PDE6A: variants seen among roughly 807,000 people sequenced by gnomAD.
PDE6A encodes the protein phosphodiesterase 6A.
A neutral mutation model predicts 106.3 loss-of-function variants in PDE6A; 84 were observed. The observed-to-expected ratio is 0.79, with a 90% confidence interval of 0.66 to 0.95. PDE6A has a LOEUF of 0.95. Among genes scored for constraint, PDE6A ranks in the 40% least tolerant of loss-of-function variants. The pLI is 0.00. For synonymous variants in PDE6A, 394 were observed against 386.6 expected (o/e 1.02, Z -0.23); for missense variants, 1,052 against 1,084.9 (o/e 0.97, Z 0.43).
At chr5:149,878,119 C>T (rs1760804819) in intron 17 of PDE6A, among the ~76,000 whole-genome samples, 1 of 152,184 alleles carries the variant, frequency 6.6e-6, no homozygotes, top group Non-Finnish European at 1.5e-5. Flanking sequence ...GCTGTGCCTA[C>T]TGGGCTGCTT....
At chr5:149,911,008 C>A (rs1581193482) in intron 6 of PDE6A, among the ~76,000 whole-genome samples, 1 of 150,214 alleles carries the variant, frequency 6.7e-6, no homozygotes, top group Non-Finnish European at 1.5e-5. Context: ...GCCTCCTGAG[C>A]AGCTGGGACC....
chr5:149,929,777 G>C (rs992829594), intron 4 of PDE6A, among the ~76,000 whole-genome samples: 1 of 152,100 alleles, frequency 6.6e-6, no homozygotes, highest in Non-Finnish European at 1.5e-5. Flanking sequence ...TACTGAAAAA[G>C]GTATGAAGGA....
intron 6 of PDE6A, among the ~76,000 whole-genome samples, chr5:149,909,344 A>G (rs1398263743): frequency 6.6e-6 from 1 of 152,174 alleles, no homozygotes; most frequent in African/African-American, 2.4e-5. Flanking sequence ...TTTTTTATAG[A>G]GACAGGGCAA....
rs1454204401 is a variant in PDE6A at position 149,866,157 on chromosome 5, G to A, written c.2358+13C>T. 7 of 1,601,224 alleles carry A rather than the reference G, an allele frequency of 4.4e-6. No homozygotes were observed. The highest frequency in any genetic ancestry group is 1.7e-4 in the Middle Eastern group (1 of 6,060). On this transcript the variant is annotated intron_variant, in intron 20 of 21. Transcript: ENST00000255266. ...AAGACATCTTGTTGCGGCTGAGGAA[G>A]CCAAGGGCCTACCTTGTAGACGAAG...
At chr5:149,931,931 G>A (rs1561783244) in intron 3 of PDE6A, 1 of 948,912 alleles carries the variant, frequency 1.1e-6, no homozygotes, top group Non-Finnish European at 1.7e-6. Flanking sequence ...GTACAATGAA[G>A]AGACAGAAAC....
intron 8 of PDE6A, among the ~76,000 whole-genome samples, chr5:149,902,704 T>C (rs1235811142): frequency 1.3e-5 from 2 of 151,372 alleles, no homozygotes; most frequent in Non-Finnish European, 3.0e-5. Flanking sequence ...CGCCTGTAGT[T>C]CCAGCTACTT....
chr5:149,885,693 T>C (rs898678343), intron 14 of PDE6A, among the ~76,000 whole-genome samples: 1 of 152,270 alleles, frequency 6.6e-6, no homozygotes, highest in Non-Finnish European at 1.5e-5. Context: ...ATTCATTTTC[T>C]ATGGCTGCTA....
At chr5:149,936,843 C>A (rs993286066) in intron 1 of PDE6A, among the ~76,000 whole-genome samples, 1 of 152,168 alleles carries the variant, frequency 6.6e-6, no homozygotes, top group Non-Finnish European at 1.5e-5. Flanking sequence ...AGAGGCTGAG[C>A]TAGGGAAAGA....
At chr5:149,900,401 G>GATATATATATATATATA (rs1752932187) in intron 8 of PDE6A, among the ~76,000 whole-genome samples, 4 of 117,022 alleles carry the variant, frequency 3.4e-5, no homozygotes, top group Non-Finnish European at 3.5e-5. Context: ...ATATATATCC[G>GATATATATATATATATA]TTGGTTCATC....
At chr5:149,888,160 A>G (rs1404160659) in intron 13 of PDE6A, among the ~76,000 whole-genome samples, 1 of 152,144 alleles carries the variant, frequency 6.6e-6, no homozygotes, top group South Asian at 2.1e-4. Flanking sequence ...AAGATCTAAG[A>G]GGATAGAGAT....
At position 149,891,338 on chromosome 5, in the gene PDE6A, C is replaced by G. The variant is rs141678825; in HGVS notation, c.1728+3845G>C. Among the ~76,000 whole-genome samples, 1,474 of 152,190 alleles carry G rather than the reference C, an allele frequency of 9.7e-3. 26 individuals are homozygous for G. The highest frequency in any genetic ancestry group is 0.062 in the South Asian group (299 of 4,818). On this transcript the variant is annotated intron_variant, in intron 13 of 21. Transcript: ENST00000255266. ...TACAAAAATTAGCCAGGGGTGGTGA[C>G]GCGTGCCTGTAATCCCAGCTACTGG...
At chr5:149,934,793 G>A in intron 1 of PDE6A, 75 bp from the exon 2 acceptor site, 1 of 1,444,096 alleles carries the variant, frequency 6.9e-7, no homozygotes, top group South Asian at 1.2e-5. Context: ...AGCCCCTGTT[G>A]ACAAGGGAAT....
chr5:149,915,832 T>C (rs987601563), intron 5 of PDE6A, among the ~76,000 whole-genome samples: 1 of 152,056 alleles, frequency 6.6e-6, no homozygotes, highest in Non-Finnish European at 1.5e-5. Flanking sequence ...TTGAAACCAG[T>C]TTTATCTGAT....
intron 17 of PDE6A, among the ~76,000 whole-genome samples, chr5:149,877,871 G>A (rs968031117): frequency 2.0e-5 from 3 of 152,160 alleles, no homozygotes; most frequent in African/African-American, 4.8e-5. Flanking sequence ...GGGAGGGGCC[G>A]ACTCTTCACA....
chr5:149,904,819 A>G (rs567854952), intron 7 of PDE6A, among the ~76,000 whole-genome samples: 35 of 152,212 alleles, frequency 2.3e-4, no homozygotes, highest in Admixed American at 2.1e-3. Context: ...TTTCCTCTCC[A>G]TCTGTGAGCA....
intron 13 of PDE6A, among the ~76,000 whole-genome samples, chr5:149,891,971 T>C (rs1406967997): frequency 6.6e-6 from 1 of 152,220 alleles, no homozygotes; most frequent in Non-Finnish European, 1.5e-5. Flanking sequence ...ATAGAACCGT[T>C]CCCATACAGG....
intron 3 of PDE6A, among the ~76,000 whole-genome samples, chr5:149,933,282 T>C (rs1470743462): frequency 1.3e-5 from 2 of 152,246 alleles, no homozygotes; most frequent in Non-Finnish European, 1.5e-5. Context: ...ATCATCCATT[T>C]ATTTTAAAAA....
At position 149,944,558 on chromosome 5, in the gene PDE6A, G is replaced by A. The variant is rs754888404; in HGVS notation, c.116C>T (p.Ala39Val). Residue 39 changes from alanine (A) to valine (V), a missense_variant, in exon 1 of 22, where the codon GCC (alanine) becomes GTC (valine). Ala to Val is a moderately conservative substitution (Grantham distance 64). Around this residue, in one of 3 missense-constraint regions of PDE6A, gnomAD observed 913 missense variants for 915.2 expected, o/e 1.00. Transcript: ENST00000255266. ...RAKLISDLLG[A>V]KEAAVDFSNY... ...GCTGAAGTCCACGGCAGCCTCCTTG[G>A]CCCCAAGGAGGTCGGAGATGAGCTT... The A allele has an allele frequency of 6.2e-7, 1 of 1,613,992 alleles. No individual in the cohort carries two copies. Among genetic ancestry groups the A allele is most frequent in the South Asian group, 1.1e-5 (1 of 91,074 alleles).
At chr5:149,878,574 G>T (rs1469417656) in intron 17 of PDE6A, among the ~76,000 whole-genome samples, 1 of 152,212 alleles carries the variant, frequency 6.6e-6, no homozygotes, top group Non-Finnish European at 1.5e-5. Context: ...AGCACTTACA[G>T]CTTTGATAGG....
Sources: allele counts gnomAD v4.1 joint callset (sites outside exome capture counted in the v4.1 genomes callset), GRCh38; gene constraint gnomAD v4.1.1; regional missense constraint gnomAD v4.1.1; transcripts MANE v1.5; gene names NCBI Gene and HGNC (gene_info 2026-07-23, HGNC 2026-07-21).